LARGE1: variants seen among roughly 807,000 people sequenced by gnomAD.
LARGE1 encodes LARGE xylosyl- and glucuronyltransferase 1.
LARGE1 carries 43 observed loss-of-function variants against 87.6 expected under a neutral mutation model. The ratio of observed to expected loss-of-function variants is 0.49; its 90% CI spans 0.38 to 0.63. The LOEUF (loss-of-function observed/expected upper bound fraction) is 0.63, where lower values mean the gene tolerates loss of function less well. Among genes scored for constraint, LARGE1 ranks in the 30% least tolerant of loss-of-function variants. LARGE1 has a pLI of 0.00. For synonymous variants in LARGE1, 434 were observed against 394.6 expected (o/e 1.10, Z -1.18); for missense variants, 802 against 1,000.2 (o/e 0.80, Z 2.67).
Position 33,274,274 on chromosome 22 carries a change from T to G in LARGE1, c.*153A>C, listed in dbSNP as rs1928708577. The G allele has an allele frequency of 1.3e-6, 1 of 767,158 alleles. No individual in the cohort carries two copies. The highest frequency in any genetic ancestry group is 2.2e-6 in the Non-Finnish European group (1 of 448,200). The allele number at this position is 767,158 out of a possible 1,614,324, so 47.5% of individuals were successfully genotyped here. On this transcript the variant is annotated 3_prime_UTR_variant, in exon 15 of 15. Transcript: ENST00000397394. ...GGACTGGCTGGATCCTTGTCCAAGG[T>G]CTCTGTAGTGAGGGCAGCTTGGCTG...
chr22:33,883,617 T>C (rs1268128406), intron 1 of LARGE1, among the ~76,000 whole-genome samples: 4 of 152,266 alleles, frequency 2.6e-5, no homozygotes, highest in Non-Finnish European at 5.9e-5. Context: ...CCCAATACTT[T>C]CCTAGGGGCT....
In LARGE1 at chr22:33,745,709, T is replaced by C. The variant is rs555062350; in HGVS notation, c.106+15662A>G. 7.9e-5 allele frequency among the ~76,000 whole-genome samples: 12 copies of C among 152,204 alleles called. No individual in the cohort carries two copies. In the South Asian group the frequency reaches 2.5e-3, roughly 32 times the overall value. On this transcript the variant is annotated intron_variant, in intron 2 of 14. Transcript: ENST00000397394. ...CTGAAAGGCTGGATCCAATCATCCA[T>C]CAGCCACAGAAGCCAAGGCAACTGG... is the stretch of plus-strand genomic sequence containing the variant.
downstream of LARGE1, among the ~76,000 whole-genome samples, chr22:33,159,712 G>C (rs1921963324): frequency 6.6e-6 from 1 of 151,550 alleles, no homozygotes; most frequent in African/African-American, 2.4e-5. Flanking sequence ...AGCCTCCTGA[G>C]TAGCTGGGAC....
intron 1 of LARGE1, among the ~76,000 whole-genome samples, chr22:33,809,265 C>T (rs2086416189): frequency 1.2e-5 from 1 of 80,514 alleles, no homozygotes; most frequent in Non-Finnish European, 2.8e-5. Flanking sequence ...AGTGAGACTC[C>T]ATCTCAAAAA....
chr22:33,744,331 A>T (rs1168400111), intron 2 of LARGE1: 1 of 152,198 alleles, frequency 6.6e-6, no homozygotes, highest in African/African-American at 2.4e-5. Flanking sequence ...CCCAGCTGGT[A>T]AGTGGAACAG....
At chr22:33,586,641 T>A (rs547750658) in intron 5 of LARGE1, among the ~76,000 whole-genome samples, 103 of 152,140 alleles carry the variant, frequency 6.8e-4, no homozygotes, top group African/African-American at 2.4e-3. Flanking sequence ...GTATTTTTAG[T>A]AGAGATGGGG....
chr22:33,268,786 G>C (rs1315252509), downstream of LARGE1, among the ~76,000 whole-genome samples: 1 of 152,130 alleles, frequency 6.6e-6, no homozygotes, highest in Non-Finnish European at 1.5e-5. Flanking sequence ...CTGGTAATAA[G>C]GCGACTAAGT....
At position 33,650,678 on chromosome 22, in the gene LARGE1, GA is replaced by G; in HGVS notation, c.107-11del. 1 of 1,598,650 alleles carries G rather than the reference GA, an allele frequency of 6.3e-7. No homozygotes were observed. ...GACACGGGCTTTCCATCTGGGGAGC[GA>G]AACACCAGGGAAGCTTTAATCTGGA... On this transcript the variant is annotated splice_polypyrimidine_tract_variant and intron_variant, in intron 2 of 14. Transcript: ENST00000397394.
chr22:33,307,757 T>A (rs998304879), intron 11 of LARGE1, among the ~76,000 whole-genome samples: 2 of 151,850 alleles, frequency 1.3e-5, no homozygotes, highest in Non-Finnish European at 2.9e-5. Context: ...TGAATGAGAT[T>A]GGTGCCCTTT....
At chr22:33,328,217 G>A (rs1937409674) in intron 10 of LARGE1, among the ~76,000 whole-genome samples, 2 of 152,130 alleles carry the variant, frequency 1.3e-5, no homozygotes, top group Admixed American at 6.5e-5. Flanking sequence ...ATGAATCAGG[G>A]CTTGATACCG....
chr22:33,647,199 T>C (rs1170396428), intron 3 of LARGE1, among the ~76,000 whole-genome samples: 1 of 152,144 alleles, frequency 6.6e-6, no homozygotes, highest in African/African-American at 2.4e-5. Context: ...ACAACCAAGT[T>C]TGAGAACCAC....
At chr22:33,149,214 A>T in the LARGE1 span, among the ~76,000 whole-genome samples, 2 of 51,056 alleles carry the variant, frequency 3.9e-5, no homozygotes, top group African/African-American at 5.4e-5. Context: ...TTATTTTTTT[A>T]ATATTTTTTA....
intron 2 of LARGE1, among the ~76,000 whole-genome samples, chr22:33,673,304 G>T (rs1486856658): frequency 2.6e-5 from 4 of 151,904 alleles, no homozygotes; most frequent in Non-Finnish European, 4.4e-5. Context: ...TTGGTAAATG[G>T]CCCCACCAGT....
chr22:33,528,033 G>GA (rs989465403), intron 6 of LARGE1, among the ~76,000 whole-genome samples: 3 of 135,388 alleles, frequency 2.2e-5, no homozygotes, highest in South Asian at 2.4e-4. Flanking sequence ...GATTAAACGA[G>GA]AAAAAAACCC....
intron 2 of LARGE1, among the ~76,000 whole-genome samples, chr22:33,672,866 A>T (rs2081458255): frequency 2.0e-5 from 3 of 152,222 alleles, no homozygotes; most frequent in South Asian, 4.1e-4. Context: ...AAGAAGGCAG[A>T]TATGGTCTCT....
chr22:33,698,555 C>T (rs1423190249), intron 2 of LARGE1, among the ~76,000 whole-genome samples: 3 of 152,212 alleles, frequency 2.0e-5, no homozygotes, highest in African/African-American at 7.2e-5. Context: ...AGCGATCTGC[C>T]CGCCTTAGCC....
intron 12 of LARGE1, among the ~76,000 whole-genome samples, chr22:33,290,321 C>T (rs1932307135): frequency 6.6e-6 from 1 of 152,224 alleles, no homozygotes; most frequent in African/African-American, 2.4e-5. Flanking sequence ...GTTCTGACAA[C>T]TTCACCTCCT....
chr22:33,686,115 T>C (rs996712281), intron 2 of LARGE1, among the ~76,000 whole-genome samples: 12 of 152,286 alleles, frequency 7.9e-5, no homozygotes, highest in East Asian at 3.9e-4. Context: ...CAGCCGACTC[T>C]CTTTCCTTGT....
chr22:33,885,406 G>C (rs540900002), intron 1 of LARGE1, among the ~76,000 whole-genome samples: 1 of 152,076 alleles, frequency 6.6e-6, no homozygotes, highest in East Asian at 1.9e-4. Context: ...CTAACTACAC[G>C]TGAAGTCCCG....
Sources: gnomAD v4.1 joint callset for allele counts (sites outside exome capture counted in the v4.1 genomes callset) on GRCh38, gnomAD v4.1.1 for gene constraint, MANE v1.5 for transcripts, NCBI Gene and HGNC (gene_info 2026-07-23, HGNC 2026-07-21) for gene names.